The following IFT80 variants were observed in gnomAD, a reference collection of about 807,000 sequenced individuals.
IFT80 encodes the protein intraflagellar transport protein 80 homolog.
In IFT80, 79 loss-of-function variants were observed where a neutral mutation model predicts 107.9. The ratio of observed to expected loss-of-function variants is 0.73; its 90% confidence interval spans 0.61 to 0.88. IFT80 has a LOEUF of 0.88. Ranked by LOEUF, IFT80 falls within the 40% of genes least tolerant of loss-of-function variation. The pLI is 0.00. For synonymous variants in IFT80, 299 were observed against 300.9 expected (o/e 0.99, Z 0.07); for missense variants, 797 against 914.2 (o/e 0.87, Z 1.65).
chr3:160,336,587 GTGTA>G (rs926688040), intron 8 of IFT80, among the ~76,000 whole-genome samples: 1 of 151,352 alleles, frequency 6.6e-6, no homozygotes, highest in Non-Finnish European at 1.5e-5. Flanking sequence ...TTCAACATGT[GTGTA>G]TGTGTGTGTG....
chr3:160,332,597 G>T (rs1365237752), intron 8 of IFT80, among the ~76,000 whole-genome samples: 1 of 152,168 alleles, frequency 6.6e-6, no homozygotes, highest in Non-Finnish European at 1.5e-5. Flanking sequence ...CAAAATAGGT[G>T]GGTCAAAAGT....
chr3:160,378,976 T>A (rs998577705), intron 3 of IFT80, among the ~76,000 whole-genome samples: 2 of 152,152 alleles, frequency 1.3e-5, no homozygotes, highest in Non-Finnish European at 2.9e-5. Flanking sequence ...ATGAAGAAGA[T>A]AATATTTTTA....
chr3:160,360,820 T>C (rs1040974361), intron 6 of IFT80, among the ~76,000 whole-genome samples: 2 of 152,102 alleles, frequency 1.3e-5, no homozygotes, highest in Non-Finnish European at 2.9e-5. Context: ...AGAGATTTTG[T>C]CACCACCAGG....
chr3:160,312,645 TTA>T (rs1398876727), intron 9 of IFT80, among the ~76,000 whole-genome samples: 1 of 53,694 alleles, frequency 1.9e-5, no homozygotes, highest in Non-Finnish European at 3.3e-5. Context: ...TAAATATATA[TTA>T]TATATAAATA....
intron 19 of IFT80, among the ~76,000 whole-genome samples, chr3:160,260,965 C>T (rs778497897): frequency 7.9e-5 from 12 of 152,210 alleles, no homozygotes; most frequent in Non-Finnish European, 1.2e-4. Context: ...TTACCTGTAT[C>T]TACACCCATC....
chr3:160,333,606 T>G (rs1351520346), intron 8 of IFT80, among the ~76,000 whole-genome samples: 4 of 152,210 alleles, frequency 2.6e-5, no homozygotes, highest in Non-Finnish European at 5.9e-5. Flanking sequence ...AGCCTAGGCC[T>G]ATGCAGGGTC....
chr3:160,290,752 G>T (rs577047273), intron 12 of IFT80, among the ~76,000 whole-genome samples: 1 of 151,988 alleles, frequency 6.6e-6, no homozygotes, highest in South Asian at 2.1e-4. Flanking sequence ...TAGTAAAGTC[G>T]GGGTTTCGCC....
intron 9 of IFT80, among the ~76,000 whole-genome samples, chr3:160,316,326 A>G (rs1483008336): frequency 3.3e-5 from 5 of 152,174 alleles, no homozygotes; most frequent in Non-Finnish European, 7.3e-5. Flanking sequence ...TGAGCTTGAA[A>G]GCAAATCTTT....
intron 14 of IFT80, among the ~76,000 whole-genome samples, chr3:160,281,192 GC>G (rs1193437508): frequency 6.6e-6 from 1 of 152,142 alleles, no homozygotes; most frequent in East Asian, 1.9e-4. Flanking sequence ...CCCCTAGTCT[GC>G]CCATCAGTGG....
At chr3:160,396,602 A>G (rs1480089319) in intron 1 of IFT80, among the ~76,000 whole-genome samples, 2 of 152,154 alleles carry the variant, frequency 1.3e-5, no homozygotes, top group Admixed American at 6.5e-5. Context: ...GTAAAAAGTG[A>G]GGTTTTCCTT....
At position 160,351,568 on chromosome 3, in the gene IFT80, T is replaced by C. The variant is rs151026519; in HGVS notation, c.777+4445A>G. ...CACATATATTATATGTATATATATA[T>C]ACACACATATATTATATGTATATAT... On this transcript the variant is annotated intron_variant, in intron 8 of 19. Transcript: ENST00000326448. Among the ~76,000 whole-genome samples, 478 of 141,344 alleles carry C rather than the reference T, an allele frequency of 3.4e-3. 10 individuals carry two copies. The East Asian group carries it at 0.062, about 18-fold the overall frequency. 92.7% of individuals were successfully genotyped at this position (141,344 alleles called of 152,430 possible).
At chr3:160,264,488 C>G (rs1713130652) in intron 19 of IFT80, among the ~76,000 whole-genome samples, 1 of 151,620 alleles carries the variant, frequency 6.6e-6, no homozygotes, top group African/African-American at 2.4e-5. Context: ...AGTGGCACGA[C>G]CTCAGCTAAC....
chr3:160,283,747 T>G (rs1026589188), intron 13 of IFT80, among the ~76,000 whole-genome samples: 4 of 152,130 alleles, frequency 2.6e-5, no homozygotes, highest in African/African-American at 9.7e-5. Context: ...CCTAAGAAAT[T>G]AAAAATCAAA....
At chr3:160,395,028 G>C (rs770705655) in intron 1 of IFT80, among the ~76,000 whole-genome samples, 3 of 152,116 alleles carry the variant, frequency 2.0e-5, no homozygotes, top group Non-Finnish European at 4.4e-5. Flanking sequence ...TTTCTGTTCT[G>C]TTTGAAGTTT....
At chr3:160,361,969 A>G (rs1352917301) in intron 6 of IFT80, among the ~76,000 whole-genome samples, 1 of 152,218 alleles carries the variant, frequency 6.6e-6, no homozygotes, top group Non-Finnish European at 1.5e-5. Flanking sequence ...TAAAAGAACT[A>G]GAGAAACAAG....
chr3:160,265,115 A>C (rs1434554709), intron 19 of IFT80, among the ~76,000 whole-genome samples: 2 of 152,238 alleles, frequency 1.3e-5, no homozygotes, highest in Admixed American at 6.5e-5. Flanking sequence ...CCATTTGAAT[A>C]TAAACTTCAT....
chr3:160,320,219 T>C (rs141936173), intron 8 of IFT80: 5 of 291,508 alleles, frequency 1.7e-5, no homozygotes, highest in East Asian at 1.3e-4. Context: ...TAAGTAATAA[T>C]ACTTAATAGG....
chr3:160,298,534 T>C (rs986595386), intron 12 of IFT80, among the ~76,000 whole-genome samples: 50 of 152,298 alleles, frequency 3.3e-4, no homozygotes, highest in African/African-American at 1.2e-3. Context: ...ATTCTATCAA[T>C]TATCAATGGA....
intron 8 of IFT80, among the ~76,000 whole-genome samples, chr3:160,322,039 TTTA>T (rs1271210054): frequency 1.3e-4 from 18 of 142,920 alleles, no homozygotes; most frequent in African/African-American, 3.2e-4. Flanking sequence ...TATTTATTTA[TTTA>T]TTATTATTAT....
Sources: allele counts gnomAD v4.1 joint callset (sites outside exome capture counted in the v4.1 genomes callset), GRCh38; gene constraint gnomAD v4.1.1; transcripts MANE v1.5; gene names NCBI Gene and HGNC (gene_info 2026-07-23, HGNC 2026-07-21).